SLC39A6: variants seen among roughly 807,000 people sequenced by gnomAD.
SLC39A6 encodes the protein solute carrier family 39 member 6.
Under a neutral mutation model 63.5 loss-of-function variants are expected in SLC39A6, and 51 were observed. The observed-to-expected ratio is 0.80, with a 90% confidence interval of 0.64 to 1.01. The LOEUF is 1.01. Among genes scored for constraint, SLC39A6 ranks in the 50% least tolerant of loss-of-function variants. The probability of loss-of-function intolerance (pLI) is 0.00; values close to 1 mark genes in which losing one functional copy is unlikely to be tolerated. For synonymous variants in SLC39A6, 318 were observed against 324.7 expected, an observed-to-expected ratio of 0.98 and a Z score of 0.22; for missense variants, 805 against 927.8, an observed-to-expected ratio of 0.87 and a Z score of 1.72.
intron 5 of SLC39A6, among the ~76,000 whole-genome samples, chr18:36,117,105 C>T (rs1018225565): frequency 1.3e-5 from 2 of 152,192 alleles, no homozygotes; most frequent in Admixed American, 6.5e-5. Flanking sequence ...GGTGTGGTGG[C>T]ATGCGCCTGT....
At chr18:36,118,692 A>G (rs927751413) in intron 5 of SLC39A6, among the ~76,000 whole-genome samples, 1 of 152,234 alleles carries the variant, frequency 6.6e-6, no homozygotes, top group Non-Finnish European at 1.5e-5. Flanking sequence ...GGCTTTGTCC[A>G]AAAACTAATG....
intron 5 of SLC39A6, among the ~76,000 whole-genome samples, chr18:36,117,074 T>C (rs1182029220): frequency 6.6e-6 from 1 of 152,128 alleles, no homozygotes; most frequent in Non-Finnish European, 1.5e-5. Flanking sequence ...CCATCTCTAC[T>C]AAAAATACAA....
Position 36,111,131 on chromosome 18 carries a change from A to G in SLC39A6, c.2043T>C (p.Tyr681=), listed in dbSNP as rs377198221. 4.7e-4 allele frequency: 752 copies of G among 1,614,268 alleles called. 11 individuals carry two copies. In the South Asian group the frequency reaches 7.8e-3, roughly 17 times the overall value. ...GMATGIFIGH[Y]AENVSMWIFA... ...ATATCCACATAGAAACATTTTCAGCATAATGACCAATGAAAATTCCTGTTG... is the reference window on the plus strand; with the variant it reads ...ATATCCACATAGAAACATTTTCAGCGTAATGACCAATGAAAATTCCTGTTG... The change falls in exon 9 of 10, where the codon TAT becomes TAC. Residue 681 remains tyrosine (Y), a synonymous_variant. Coordinates refer to ENST00000269187, the MANE Select transcript of SLC39A6 (RefSeq NM_012319.4).
In SLC39A6 at chr18:36,123,517, G is replaced by A. The variant is rs748235940; in HGVS notation, c.1118C>T (p.Ala373Val). ...ALAVGTLSGD[A>V]FLHLLPHSHA... ...TACATGTGGAAGAAGGTGTAAAAAAGCATCACCACTCAAAGTCCCAACGGC... is the reference window on the plus strand; with the variant it reads ...TACATGTGGAAGAAGGTGTAAAAAAACATCACCACTCAAAGTCCCAACGGC... Residue 373 changes from alanine to valine, a missense_variant, in exon 4 of 10, where the codon GCT becomes GTT. Physicochemically the swap from Ala to Val is moderately conservative, Grantham distance 64. Around this residue, in one of 4 missense-constraint regions of SLC39A6, gnomAD observed 639 missense variants for 644.0 expected, o/e 0.99. Coordinates refer to ENST00000269187, the MANE Select transcript of SLC39A6 (RefSeq NM_012319.4). 1.2e-6 allele frequency: 2 copies of A among 1,611,134 alleles called. No individual in the cohort carries two copies. Among genetic ancestry groups the A allele is most frequent in the Non-Finnish European group, 1.7e-6 (2 of 1,179,204 alleles).
rs896260084 is a variant in SLC39A6, at chr18:36,127,893, G to A, written c.-9-877C>T. On this transcript the variant is annotated intron_variant, in intron 1 of 9. Transcript: ENST00000269187. ...TTCCCAAAGTGCTGGGATTACAGGC[G>A]TGACCACTACGCCCAGCCTCAAATA... Among the ~76,000 whole-genome samples the A allele has an allele frequency of 9.7e-4, 147 of 151,476 alleles. 1 individual carries two copies. Among genetic ancestry groups the A allele is most frequent in the African/African-American group, 3.5e-3 (143 of 41,282 alleles).
At chr18:36,120,044 A>G (rs17563223) in intron 5 of SLC39A6, among the ~76,000 whole-genome samples, 10,989 of 152,220 alleles carry the variant, frequency 0.072, 459 homozygotes, top group South Asian at 0.12. Flanking sequence ...CAAGTCTCCC[A>G]GAATGAAAAC....
chr18:36,109,853 G>C (rs1426630747), intron 9 of SLC39A6, 108 bp from the exon 10 acceptor site: 5 of 796,036 alleles, frequency 6.3e-6, no homozygotes, highest in Non-Finnish European at 1.0e-5. Context: ...TTTGTAGCTA[G>C]ATATACTGTG....
rs763371711 is a variant in SLC39A6, at chr18:36,126,551, T to C, written c.457A>G (p.Ser153Gly). ...CTGTTTCTAGGATCTTTACCTGAAC[T>C]ATCTGAGTCATGGTCTGGGCAAAGA... ...KALCPDHDSD[S>G]SGKDPRNSQG... The change falls in exon 2 of 10, where the codon AGT (serine) becomes GGT (glycine). Residue 153 changes from serine to glycine, a missense_variant. Around this residue, in one of 4 missense-constraint regions of SLC39A6, gnomAD observed 639 missense variants for 644.0 expected, o/e 0.99. Coordinates refer to ENST00000269187, the MANE Select transcript of SLC39A6 (RefSeq NM_012319.4). The C allele has an allele frequency of 1.9e-6, 3 of 1,614,112 alleles. No homozygotes were observed. The highest frequency in any genetic ancestry group is 1.1e-5 in the South Asian group (1 of 91,086).
Position 36,118,632 on chromosome 18 carries a change from G to A in SLC39A6, c.1360-1853C>T, listed in dbSNP as rs73428906. On this transcript the variant is annotated intron_variant, in intron 5 of 9. Transcript: ENST00000269187. ...GTCAGAGAGGGTGGCCAGAGATGAG[G>A]CTGAGGCAACTAAAGGAGATCAGAC... 2.8e-3 allele frequency among the ~76,000 whole-genome samples: 431 copies of A among 152,282 alleles called. 1 individual carries two copies. The highest frequency in any genetic ancestry group is 9.9e-3 in the African/African-American group (413 of 41,550).
At position 36,109,761 on chromosome 18, in the gene SLC39A6, A is replaced by C; in HGVS notation, c.2116-16T>G. On this transcript the variant is annotated splice_polypyrimidine_tract_variant and intron_variant, in intron 9 of 9. Coordinates refer to ENST00000269187, the MANE Select transcript of SLC39A6 (RefSeq NM_012319.4). ...TTTCAGGTACCTTTAAAAAAAAGTA[A>C]GGGAAAATAAGAGTGACATTTAAGT... The C allele has an allele frequency of 1.9e-6, 3 of 1,587,792 alleles. No homozygotes were observed. Among genetic ancestry groups the C allele is most frequent in the Non-Finnish European group, 8.5e-7 (1 of 1,171,296 alleles).
In SLC39A6 at chr18:36,114,089, A is replaced by G. The variant is rs765174666; in HGVS notation, c.1843+8T>C. ...CAATCAACAAGGAACAAATATGTAG[A>G]TATATACCAATTGCTAGGCCATCGC... is the stretch of plus-strand genomic sequence containing the variant. On this transcript the variant is annotated splice_region_variant and intron_variant, in intron 7 of 9. Transcript: ENST00000269187. 3 of 1,581,376 alleles carry G rather than the reference A, an allele frequency of 1.9e-6. No homozygotes were observed. Among genetic ancestry groups the G allele is most frequent in the South Asian group, 2.3e-5 (2 of 85,174 alleles).
At chr18:36,116,104 TG>T (rs2089343137) in intron 6 of SLC39A6, among the ~76,000 whole-genome samples, 2 of 152,210 alleles carry the variant, frequency 1.3e-5, no homozygotes, top group Non-Finnish European at 1.5e-5. Context: ...TGGTGGGGGT[TG>T]GGGGAGTGTT....
intron 8 of SLC39A6, among the ~76,000 whole-genome samples, chr18:36,112,114 G>T (rs1005557815): frequency 2.6e-5 from 4 of 152,200 alleles, no homozygotes; most frequent in African/African-American, 9.6e-5. Flanking sequence ...AGGAACAAAA[G>T]TGAAAATGGC....
rs143377021 is a variant in SLC39A6, at chr18:36,124,774, T to A, written c.790-74A>T. On this transcript the variant is annotated intron_variant, in intron 2 of 9. Coordinates refer to ENST00000269187, the MANE Select transcript of SLC39A6 (RefSeq NM_012319.4). ...GTAGTCTGATGACACAATACCCTTT[T>A]TTACTAATGCTACTTCGTTTTCTCG... is the stretch of plus-strand genomic sequence containing the variant. 7.9e-4 allele frequency: 903 copies of A among 1,145,818 alleles called. 18 individuals carry two copies. The East Asian group carries it at 0.018, about 23-fold the overall frequency. 71.0% of individuals were successfully genotyped at this position (1,145,818 alleles called of 1,614,324 possible).
At position 36,114,200 on chromosome 18, in the gene SLC39A6, C is replaced by G; in HGVS notation, c.1740G>C (p.Gln580His). The G allele has an allele frequency of 6.2e-7, 1 of 1,614,108 alleles. No individual in the cohort carries two copies. The highest frequency in any genetic ancestry group is 8.5e-7 in the Non-Finnish European group (1 of 1,180,022). ...CTTTCAGCTCCTCCCGAGAGTAGCG[C>G]TGGCTGTGACTGTGAGGATGGTGGT... is the stretch of plus-strand genomic sequence containing the variant. The part of the protein sequence containing the change: ...HQNHHPHSHS[Q>H]RYSREELKDA... Residue 580 changes from glutamine (Q) to histidine (H), a missense_variant, in exon 7 of 10, where the codon CAG becomes CAC. Gln to His is a conservative substitution (Grantham distance 24). This residue lies in a region of SLC39A6 where 145 missense variants were observed against 227.2 expected (regional missense o/e 0.64). Transcript: ENST00000269187.
At position 36,109,610 on chromosome 18, in the gene SLC39A6, A is replaced by G; in HGVS notation, c.2251T>C (p.Phe751Leu). ...LISIFEHKIVFRINF is the reference protein window; with the variant it reads ...LISIFEHKIVLRINF ...AACCTTAACTAGAAATTTATACGAA[A>G]CACGATTTTATGTTCAAATATGGAA... The change falls in exon 10 of 10, where the codon TTT becomes CTT. Residue 751 changes from phenylalanine to leucine, a missense_variant. Physicochemically the swap from Phe to Leu is conservative, Grantham distance 22. This residue lies in a region of SLC39A6 where 145 missense variants were observed against 227.2 expected (regional missense o/e 0.64). Coordinates refer to ENST00000269187, the MANE Select transcript of SLC39A6 (RefSeq NM_012319.4). 1 of 1,607,504 alleles carries G rather than the reference A, an allele frequency of 6.2e-7. No individual in the cohort carries two copies. The highest frequency in any genetic ancestry group is 1.1e-5 in the South Asian group (1 of 89,864).
rs2089286439 is a variant in SLC39A6 at position 36,109,746 on chromosome 18, CTTTAAAAAA to C, written c.2116-10_2116-2del. On this transcript the variant is annotated splice_acceptor_variant and splice_polypyrimidine_tract_variant and intron_variant, in intron 9 of 9. Coordinates refer to ENST00000269187, the MANE Select transcript of SLC39A6 (RefSeq NM_012319.4). LOFTEE classifies it high-confidence loss of function. ...CATCATTGTGCAGCATTTCAGGTACCTTTAAAAAAAAGTAAGGGAAAATAAGAGTGACAT... is the reference window on the plus strand; with the variant it reads ...CATCATTGTGCAGCATTTCAGGTACCAAGTAAGGGAAAATAAGAGTGACAT... The C allele has an allele frequency of 6.3e-7, 1 of 1,585,386 alleles. No individual in the cohort carries two copies. The highest frequency in any genetic ancestry group is 1.4e-5 in the African/African-American group (1 of 72,724).
chr18:36,116,808 A>T, intron 5 of SLC39A6, 29 bp from the exon 6 acceptor site: 1 of 1,513,064 alleles, frequency 6.6e-7, no homozygotes, highest in Non-Finnish European at 9.2e-7. Flanking sequence ...ACAATACTTT[A>T]AAACAGTAAT....
At chr18:36,124,852 C>T (rs1000343919) in intron 2 of SLC39A6, 152 bp from the exon 3 acceptor site, 4 of 562,904 alleles carry the variant, frequency 7.1e-6, no homozygotes, top group Middle Eastern at 3.5e-4. Flanking sequence ...GAACTTGCCT[C>T]CAGCTACCTG....
Sources: gnomAD v4.1 joint callset for allele counts (sites outside exome capture counted in the v4.1 genomes callset) on GRCh38, gnomAD v4.1.1 for gene constraint, gnomAD v4.1.1 regional missense constraint, MANE v1.5 for transcripts, NCBI Gene and HGNC (gene_info 2026-07-23, HGNC 2026-07-21) for gene names.